Variants in C4orf50 observed in about 807,000 individuals in gnomAD.
The protein encoded by C4orf50 is chromosome 4 open reading frame 50.
C4orf50 carries 80 observed loss-of-function variants against 77.2 expected under a neutral mutation model. That is an observed-to-expected ratio of 1.04 (90% CI 0.87 to 1.25). The LOEUF is 1.25. Ranked by LOEUF, C4orf50 falls within the 50% of genes most tolerant of loss-of-function variation. The probability of loss-of-function intolerance (pLI) is 0.00; values close to 1 mark genes in which losing one functional copy is unlikely to be tolerated. For synonymous variants in C4orf50, 532 were observed against 465.3 expected (o/e 1.14, Z -1.84); for missense variants, 1,257 against 1,152.9 (o/e 1.09, Z -1.31).
At chr4:5,921,122 C>T (rs28444413) in intron 7 of C4orf50, among the ~76,000 whole-genome samples, 12,665 of 152,268 alleles carry the variant, frequency 0.083, 1,147 homozygotes, top group African/African-American at 0.22. Context: ...AGGAGCAGTT[C>T]CAGCTCCCCA....
At chr4:5,989,513 A>T in exon 28 of C4orf50, 1 of 1,536,096 alleles carries the variant, frequency 6.5e-7, no homozygotes, top group Non-Finnish European at 8.7e-7. Context: ...CCACTGTGCC[A>T]CTTCTGAGCA....
chr4:5,988,253 C>G, intron 28 of C4orf50, 94 bp downstream of exon 6: 1 of 1,494,454 alleles, frequency 6.7e-7, no homozygotes, highest in Non-Finnish European at 9.1e-7. Flanking sequence ...TTGTACCTCC[C>G]TCACAGGACT....
intron 25 of C4orf50, among the ~76,000 whole-genome samples, chr4:6,004,212 G>A (rs201344553): frequency 3.0e-3 from 131 of 44,304 alleles, no homozygotes; most frequent in East Asian, 0.014. Context: ...GGTGATGATG[G>A]TGATGGTGAT....
At chr4:5,953,752 T>C (rs1718828274), downstream of C4orf50, among the ~76,000 whole-genome samples, 1 of 152,186 alleles carries the variant, frequency 6.6e-6, no homozygotes, top group South Asian at 2.1e-4. Context: ...CACCACAGGC[T>C]GCTGACTCAG....
chr4:5,946,773 T>G (rs907080134), intron 7 of C4orf50, among the ~76,000 whole-genome samples: 1 of 152,266 alleles, frequency 6.6e-6, no homozygotes, highest in South Asian at 2.1e-4. Context: ...ACAAACTGCA[T>G]AAGGAATAAA....
chr4:5,930,478 C>T (rs145763857), intron 7 of C4orf50, among the ~76,000 whole-genome samples: 3 of 152,326 alleles, frequency 2.0e-5, no homozygotes, highest in African/African-American at 7.2e-5. Flanking sequence ...CAGCTGACCA[C>T]TTCATAAAGT....
chr4:5,912,446 T>C (rs745610278), intron 7 of C4orf50, among the ~76,000 whole-genome samples: 1 of 152,176 alleles, frequency 6.6e-6, no homozygotes, highest in Non-Finnish European at 1.5e-5. Flanking sequence ...GAAAAGGAGC[T>C]GGGATGAGTG....
chr4:5,959,222 G>T (rs1719132351), exon 34 of C4orf50: 2 of 898,052 alleles, frequency 2.2e-6, no homozygotes, highest in East Asian at 2.5e-5. Flanking sequence ...CTCAAGCTCT[G>T]ACAATGAACA....
intron 7 of C4orf50, among the ~76,000 whole-genome samples, chr4:5,948,518 C>T (rs529291920): frequency 2.1e-4 from 32 of 152,128 alleles, no homozygotes; most frequent in African/African-American, 7.5e-4. Context: ...TACAAAAGGC[C>T]GGATGTGGTG....
intron 28 of C4orf50, among the ~76,000 whole-genome samples, chr4:5,980,762 G>C (rs1211102884): frequency 6.6e-6 from 1 of 152,194 alleles, no homozygotes; most frequent in Non-Finnish European, 1.5e-5. Context: ...ACAGTGTGAT[G>C]AGTGAAATTG....
At chr4:5,950,663 A>G (rs987794942) in intron 7 of C4orf50, among the ~76,000 whole-genome samples, 6 of 151,524 alleles carry the variant, frequency 4.0e-5, no homozygotes, top group East Asian at 3.9e-4. Context: ...ATAACATCCA[A>G]TAGAAAAGGT....
chr4:5,959,522 C>T (rs1456188950), exon 34 of C4orf50: 3 of 1,614,076 alleles, frequency 1.9e-6, no homozygotes, highest in Admixed American at 1.7e-5. Flanking sequence ...CAGGACAGGG[C>T]ATTCCGCCTT....
intron 31 of C4orf50, among the ~76,000 whole-genome samples, chr4:5,969,042 G>A (rs887163536): frequency 2.0e-5 from 3 of 152,062 alleles, no homozygotes; most frequent in Admixed American, 6.6e-5. Context: ...TGAATTCTCT[G>A]AGCCTCACCC....
At chr4:5,946,864 T>C (rs1055100004) in intron 7 of C4orf50, among the ~76,000 whole-genome samples, 2 of 152,244 alleles carry the variant, frequency 1.3e-5, no homozygotes, top group East Asian at 1.9e-4. Flanking sequence ...AAAGTAAAGA[T>C]TGCCTTGCTG....
intron 29 of C4orf50, among the ~76,000 whole-genome samples, chr4:5,979,424 C>G (rs11932461): frequency 0.24 from 36,218 of 151,988 alleles, 5,031 homozygotes; most frequent in African/African-American, 0.38. Flanking sequence ...AATTAAATGA[C>G]AAAATGAAGA....
chr4:5,988,942 G>C, exon 28 of C4orf50: 1 of 1,536,006 alleles, frequency 6.5e-7, no homozygotes, highest in Non-Finnish European at 8.7e-7. Context: ...ACTCTCAGAC[G>C]TGGCTTTCTG....
rs11937691 is a variant in C4orf50, at chr4:5,916,827, G to A, written c.*2475-18639C>T. On this transcript the variant is annotated intron_variant, in intron 7 of 7. Transcript: ENST00000324058. The surrounding 1 kb of genome is among the most constrained non-coding windows in gnomAD (Gnocchi z 4.4). Reference sequence around the variant, plus strand: ...GCTTAGAGGACAGGAGCCTCTGCTTGAGGTGGGCACAAGCAGAGTCTGAGC... The same window carrying A: ...GCTTAGAGGACAGGAGCCTCTGCTTAAGGTGGGCACAAGCAGAGTCTGAGC... Among the ~76,000 whole-genome samples the A allele has an allele frequency of 0.052, 7,931 of 152,200 alleles. 480 individuals carry two copies. The highest frequency in any genetic ancestry group is 0.14 in the African/African-American group (5,875 of 41,514).
chr4:5,927,069 G>T (rs1211887641), intron 7 of C4orf50, among the ~76,000 whole-genome samples: 1 of 152,198 alleles, frequency 6.6e-6, no homozygotes, highest in African/African-American at 2.4e-5. Flanking sequence ...GGGAAGATAG[G>T]GAGCAGATGC....
At chr4:5,989,120 C>T (rs1310802629) in exon 28 of C4orf50, 26 of 1,536,046 alleles carry the variant, frequency 1.7e-5, no homozygotes, top group Admixed American at 1.2e-4. Context: ...TTATCCCGCT[C>T]GAGCCTGGAT....
Sources: allele counts gnomAD v4.1 joint callset (sites outside exome capture counted in the v4.1 genomes callset), GRCh38; gene constraint gnomAD v4.1.1; non-coding constraint Gnocchi (gnomAD v3.1); transcripts MANE v1.5; gene names NCBI Gene and HGNC (gene_info 2026-07-23, HGNC 2026-07-21).